The following CDH23 variants were observed in gnomAD, a reference collection of about 807,000 sequenced individuals.
The protein encoded by CDH23 is cadherin-23.
Under a neutral mutation model 317.1 loss-of-function variants are expected in CDH23, and 189 were observed. The ratio of observed to expected loss-of-function variants is 0.60; its 90% confidence interval spans 0.53 to 0.67. The LOEUF (loss-of-function observed/expected upper bound fraction) is 0.67, where lower values mean the gene tolerates loss of function less well. CDH23 is among the 30% of genes least tolerant of loss of function. The probability of loss-of-function intolerance (pLI) is 0.00; values close to 1 mark genes in which losing one functional copy is unlikely to be tolerated. For missense variants in CDH23, 4,401 were observed against 4,592.4 expected, an observed-to-expected ratio of 0.96 and a Z score of 1.20; for synonymous variants, 1,839 against 1,876.8, an observed-to-expected ratio of 0.98 and a Z score of 0.52.
chr10:71,720,179 G>A (rs1866487480), intron 28 of CDH23, among the ~76,000 whole-genome samples: 1 of 152,188 alleles, frequency 6.6e-6, no homozygotes, highest in South Asian at 2.1e-4. Flanking sequence ...GCTGGTCCCT[G>A]GCAGCCCCTG....
At chr10:71,686,890 G>A (rs1564732168) in intron 18 of CDH23, among the ~76,000 whole-genome samples, 2 of 152,144 alleles carry the variant, frequency 1.3e-5, no homozygotes, top group Non-Finnish European at 2.9e-5. Flanking sequence ...TCTTCTAATT[G>A]AAGAGGAAGG....
chr10:71,618,928 T>C (rs185617622), intron 11 of CDH23, among the ~76,000 whole-genome samples: 8 of 152,334 alleles, frequency 5.3e-5, no homozygotes, highest in African/African-American at 1.9e-4. Flanking sequence ...AAAGTAAGTA[T>C]TGATCACCTG....
At chr10:71,538,930 C>T (rs974282807) in intron 6 of CDH23, among the ~76,000 whole-genome samples, 14 of 152,216 alleles carry the variant, frequency 9.2e-5, no homozygotes, top group African/African-American at 3.4e-4. Context: ...AATCAGGAGA[C>T]ATGTGTAGGG....
rs1217041111 is a variant in CDH23 at position 71,433,722 on chromosome 10, TGCTTGG to T, written c.-5-6101_-5-6096del. Among the ~76,000 whole-genome samples the T allele has an allele frequency of 3.2e-5, 4 of 126,888 alleles. No individual in the cohort carries two copies. The Admixed American group carries it at 3.3e-4, about 10-fold the overall frequency. The allele number at this position is 126,888 out of a possible 152,430, so 83.2% of individuals were successfully genotyped here. Reference sequence around the variant, plus strand: ...CTAATGGCAATGCCATCCTCCCAGGTGCTTGGGCTCAATTCATTCTTGCACAGCCAG... The same window carrying T: ...CTAATGGCAATGCCATCCTCCCAGGTGCTCAATTCATTCTTGCACAGCCAG... On this transcript the variant is annotated intron_variant, in intron 1 of 69. Transcript: ENST00000224721.
intron 6 of CDH23, among the ~76,000 whole-genome samples, chr10:71,537,063 G>A (rs775154872): frequency 2.0e-5 from 3 of 152,034 alleles, no homozygotes; most frequent in African/African-American, 4.8e-5. Flanking sequence ...AGGAGCTGGC[G>A]CTGACCCTCC....
intron 8 of CDH23, among the ~76,000 whole-genome samples, chr10:71,576,447 C>G (rs1234456318): frequency 6.6e-6 from 1 of 152,038 alleles, no homozygotes; most frequent in Non-Finnish European, 1.5e-5. Context: ...GGTAGCTTGC[C>G]CCACAAGAGC....
Position 71,799,503 on chromosome 10 carries a change from T to G in CDH23, c.7236T>G (p.Phe2412Leu). Reference sequence around the variant, plus strand: ...CCCCTGGGCTCCAGGAGGCTGTCTTTGAGGATGTGCCTGTGGGCACAATCA... The same window carrying G: ...CCCCTGGGCTCCAGGAGGCTGTCTTGGAGGATGTGCCTGTGGGCACAATCA... ...FDQPSYQEAV[F>L]EDVPVGTIIL... Residue 2412 changes from phenylalanine to leucine, a missense_variant, in exon 52 of 70, where the codon TTT becomes TTG. This residue lies in a region of CDH23 where 189 missense variants were observed against 250.9 expected (regional missense o/e 0.75). Transcript: ENST00000224721. 5 of 1,614,072 alleles carry G rather than the reference T, an allele frequency of 3.1e-6. No individual in the cohort carries two copies. Among genetic ancestry groups the G allele is most frequent in the Non-Finnish European group, 4.2e-6 (5 of 1,179,912 alleles).
At chr10:71,507,195 A>G (rs1853690187) in intron 3 of CDH23, among the ~76,000 whole-genome samples, 1 of 152,090 alleles carries the variant, frequency 6.6e-6, no homozygotes, top group Admixed American at 6.5e-5. Flanking sequence ...TCATTGTTGC[A>G]CCTGGACAAG....
At chr10:71,596,579 G>A (rs566824357) in intron 9 of CDH23, among the ~76,000 whole-genome samples, 44 of 152,222 alleles carry the variant, frequency 2.9e-4, no homozygotes, top group Middle Eastern at 3.4e-3. Flanking sequence ...GCCTTTATTC[G>A]GTCCACTGTA....
Position 71,670,385 on chromosome 10 carries a change from G to T in CDH23, c.1450-4727G>T, listed in dbSNP as rs145491479. ...GGGGTACTACATACGATGCAAAAAT[G>T]AGTTAGACAAACTTCTCTCCTTCAC... On this transcript the variant is annotated intron_variant, in intron 14 of 69. Transcript: ENST00000224721. Among the ~76,000 whole-genome samples, 32 of 152,322 alleles carry T rather than the reference G, an allele frequency of 2.1e-4. 2 individuals carry two copies. Among genetic ancestry groups the T allele is most frequent in the Admixed American group, 1.8e-3 (28 of 15,296 alleles).
intron 26 of CDH23, 24 bp downstream of exon 26, chr10:71,707,073 C>A: frequency 6.3e-7 from 1 of 1,589,118 alleles, no homozygotes; most frequent in Non-Finnish European, 8.6e-7. Context: ...CTCCGCCCAC[C>A]TGTGCAGGCC....
chr10:71,529,313 G>A (rs1855222622), intron 6 of CDH23, among the ~76,000 whole-genome samples: 1 of 152,122 alleles, frequency 6.6e-6, no homozygotes, highest in African/African-American at 2.4e-5. Flanking sequence ...AGCTGGGAGG[G>A]ACCCACCCAG....
Position 71,530,778 on chromosome 10 carries a change from G to A in CDH23, c.429+19566G>A, listed in dbSNP as rs531087553. Among the ~76,000 whole-genome samples the A allele has an allele frequency of 4.6e-5, 7 of 152,272 alleles. No individual in the cohort carries two copies. In the East Asian group the frequency reaches 7.7e-4, roughly 17 times the overall value. On this transcript the variant is annotated intron_variant, in intron 6 of 69. Transcript: ENST00000224721. The stretch of plus-strand genomic sequence containing the variant: ...GCATCATGTGCAGTTAATCCTTACC[G>A]AACATGTCCCATGGGCCAGAAACTG...
At chr10:71,414,953 T>C (rs965870776) in intron 1 of CDH23, among the ~76,000 whole-genome samples, 40 of 152,210 alleles carry the variant, frequency 2.6e-4, no homozygotes, top group African/African-American at 9.6e-4. Flanking sequence ...ATTTTATCCA[T>C]TTTATGCGTA....
chr10:71,812,411 G>A (rs771300593), intron 66 of CDH23, 69 bp from the exon 67 acceptor site: 1 of 1,609,084 alleles, frequency 6.2e-7, no homozygotes, highest in Non-Finnish European at 8.5e-7. Flanking sequence ...GATGTGGGGT[G>A]AGGCTGGAAG....
chr10:71,725,542 G>GGT, intron 30 of CDH23, 22 bp downstream of exon 30: 1 of 1,607,786 alleles, frequency 6.2e-7, no homozygotes, highest in Non-Finnish European at 8.5e-7. Context: ...GGCGGGCTGG[G>GGT]GTGCTGACCT....
chr10:71,686,845 T>C (rs960456625), intron 18 of CDH23, among the ~76,000 whole-genome samples: 2 of 151,876 alleles, frequency 1.3e-5, no homozygotes, highest in Admixed American at 6.6e-5. Context: ...CAAGAGTGGT[T>C]GGTGAGGATA....
Position 71,706,902 on chromosome 10 carries a change from G to A in CDH23, c.2959G>A (p.Asp987Asn), listed in dbSNP as rs770665588. ...GCGCCCGTTCTGCCCCGCAGTGCTG[G>A]ATGTGAACGACGAGACGCCCACCTT... ...STSTLTIHVL[D>N]VNDETPTFFP... The change falls in exon 26 of 70, where the codon GAT becomes AAT. Residue 987 changes from aspartate to asparagine, a missense_variant. Coordinates refer to ENST00000224721, the MANE Select transcript of CDH23 (RefSeq NM_022124.6). 1.9e-6 allele frequency: 3 copies of A among 1,599,630 alleles called. No homozygotes were observed. The Admixed American group carries it at 5.2e-5, about 28-fold the overall frequency.
intron 38 of CDH23, chr10:71,761,009 G>T: frequency 1.4e-6 from 2 of 1,391,540 alleles, no homozygotes; most frequent in South Asian, 1.2e-5. Flanking sequence ...TCCCCCTCCT[G>T]CCCCAGGTTC....
Sources: gnomAD v4.1 joint callset for allele counts (sites outside exome capture counted in the v4.1 genomes callset) on GRCh38, gnomAD v4.1.1 for gene constraint, gnomAD v4.1.1 regional missense constraint, MANE v1.5 for transcripts, NCBI Gene and HGNC (gene_info 2026-07-23, HGNC 2026-07-21) for gene names.